Variants in ATG7 observed in about 807,000 individuals in gnomAD.
ATG7 encodes ubiquitin-like modifier-activating enzyme ATG7.
In ATG7, 70 loss-of-function variants were observed where a neutral mutation model predicts 82.4. That is an observed-to-expected ratio of 0.85 (90% CI 0.70 to 1.04). ATG7 has a LOEUF of 1.04. Among genes scored for constraint, ATG7 ranks in the 50% least tolerant of loss-of-function variants. The probability of loss-of-function intolerance (pLI) is 0.00; values close to 1 mark genes in which losing one functional copy is unlikely to be tolerated. For synonymous variants in ATG7, 287 were observed against 313.0 expected, an observed-to-expected ratio of 0.92 and a Z score of 0.88; for missense variants, 792 against 864.3, an observed-to-expected ratio of 0.92 and a Z score of 1.05.
chr3:11,423,484 T>C (rs1286639517), intron 19 of ATG7, among the ~76,000 whole-genome samples: 1 of 152,252 alleles, frequency 6.6e-6, no homozygotes, highest in Non-Finnish European at 1.5e-5. Flanking sequence ...TTTTTTCTTT[T>C]GTAATCACTA....
At chr3:11,565,772 A>G in the ATG7 span, among the ~76,000 whole-genome samples, 1 of 152,110 alleles carries the variant, frequency 6.6e-6, no homozygotes, top group Non-Finnish European at 1.5e-5. The surrounding 1 kb of genome is among the most constrained non-coding windows in gnomAD (Gnocchi z 4.1). Context: ...AGTCAGCACC[A>G]CCTCCATCTG....
intron 19 of ATG7, among the ~76,000 whole-genome samples, chr3:11,418,538 C>T (rs1451454885): frequency 1.3e-5 from 2 of 152,206 alleles, no homozygotes; most frequent in African/African-American, 4.8e-5. Flanking sequence ...ATGGGGGCCT[C>T]CCTATAACTA....
Position 11,410,866 on chromosome 3 carries a change from T to C in ATG7, c.1957-15938T>C, listed in dbSNP as rs563750421. Among the ~76,000 whole-genome samples the C allele has an allele frequency of 3.9e-5, 6 of 152,368 alleles. No individual in the cohort carries two copies. The South Asian group carries it at 1.2e-3, about 32-fold the overall frequency. On this transcript the variant is annotated intron_variant, in intron 19 of 20. Transcript: ENST00000693202. ...AGCTATTGTGAATAATGCTGTTATGTACATGAGTGTACAACTATTTCTTCA... is the reference window on the plus strand; with the variant it reads ...AGCTATTGTGAATAATGCTGTTATGCACATGAGTGTACAACTATTTCTTCA...
At chr3:11,467,214 A>T (rs904735989) in intron 20 of ATG7, among the ~76,000 whole-genome samples, 2 of 152,186 alleles carry the variant, frequency 1.3e-5, no homozygotes, top group African/African-American at 4.8e-5. Context: ...AGCCAAAGAG[A>T]TAGCATGGGG....
chr3:11,528,553 G>C lies in ATG7; in HGVS notation c.2080-26258G>C, dbSNP rs773944231. Among the ~76,000 whole-genome samples, 3 of 152,090 alleles carry C rather than the reference G, an allele frequency of 2.0e-5. No individual in the cohort carries two copies. In the South Asian group the frequency reaches 6.2e-4, roughly 32 times the overall value. ...TATAGAAAGTTAAAATAGTTTGGGCGCAGTGACTCATTCCTGTAATCCCAG... is the reference window on the plus strand; with the variant it reads ...TATAGAAAGTTAAAATAGTTTGGGCCCAGTGACTCATTCCTGTAATCCCAG... On this transcript the variant is annotated intron_variant, in intron 20 of 20. Coordinates refer to ENST00000693202, the MANE Select transcript of ATG7 (RefSeq NM_001349232.2).
chr3:11,484,792 T>C (rs2089437530), intron 20 of ATG7, among the ~76,000 whole-genome samples: 1 of 152,014 alleles, frequency 6.6e-6, no homozygotes, highest in Admixed American at 6.6e-5. Context: ...GAATATGCAG[T>C]GTTTGGTTTT....
At position 11,458,412 on chromosome 3, in the gene ATG7, C is replaced by T. The variant is rs189262067; in HGVS notation, c.2079+31486C>T. On this transcript the variant is annotated intron_variant, in intron 20 of 20. Coordinates refer to ENST00000693202, the MANE Select transcript of ATG7 (RefSeq NM_001349232.2). ...CTGAGTAGCTGGGACTACAGGCGCC[C>T]ACCACCACGCCCGGCTAATTTTTTG... is the stretch of plus-strand genomic sequence containing the variant. 3.3e-3 allele frequency among the ~76,000 whole-genome samples: 506 copies of T among 152,232 alleles called. 5 individuals carry two copies. Among genetic ancestry groups the T allele is most frequent in the Admixed American group, 7.8e-3 (119 of 15,292 alleles).
chr3:11,333,630 A>G (rs769197820), intron 11 of ATG7, among the ~76,000 whole-genome samples: 18 of 150,704 alleles, frequency 1.2e-4, no homozygotes, highest in East Asian at 1.9e-4. Flanking sequence ...AGAGAGATAT[A>G]TGTGTGTGTG....
intron 20 of ATG7, among the ~76,000 whole-genome samples, chr3:11,448,855 G>A (rs1283054974): frequency 6.6e-6 from 1 of 152,148 alleles, no homozygotes; most frequent in Non-Finnish European, 1.5e-5. Flanking sequence ...TTTGTCCACA[G>A]AATCCAAGGC....
At chr3:11,315,259 A>C in intron 8 of ATG7, 85 bp from the exon 9 acceptor site, 21 of 1,217,836 alleles carry the variant, frequency 1.7e-5, no homozygotes, top group South Asian at 3.7e-5. Flanking sequence ...TTCTGGTTTT[A>C]AGGTACCTTT....
At chr3:11,383,145 A>G (rs994085736) in intron 19 of ATG7, among the ~76,000 whole-genome samples, 4 of 152,234 alleles carry the variant, frequency 2.6e-5, no homozygotes, top group African/African-American at 9.6e-5. Context: ...TGTTTATACC[A>G]GTTAATGTTC....
intron 1 of ATG7, among the ~76,000 whole-genome samples, chr3:11,279,792 GA>G (rs1272135412): frequency 6.6e-6 from 1 of 152,132 alleles, no homozygotes; most frequent in Non-Finnish European, 1.5e-5. Flanking sequence ...GTCTAATTTA[GA>G]TATCCCTCCT....
At chr3:11,575,291 T>G in the ATG7 span, among the ~76,000 whole-genome samples, 1 of 152,218 alleles carries the variant, frequency 6.6e-6, no homozygotes, top group Non-Finnish European at 1.5e-5. Flanking sequence ...CTCCTGTCAG[T>G]GTGGACTCTG....
chr3:11,565,164 T>C, the ATG7 span: 65 of 847,660 alleles, frequency 7.7e-5, no homozygotes, highest in Admixed American at 2.7e-3. This position sits in a 1 kb window ranked among gnomAD's most constrained non-coding sequence, Gnocchi z 4.1. Context: ...GAGGAGCCGG[T>C]TGCCAGCCCG....
At chr3:11,506,089 T>C (rs1408840425) in intron 20 of ATG7, among the ~76,000 whole-genome samples, 1 of 152,206 alleles carries the variant, frequency 6.6e-6, no homozygotes, top group African/African-American at 2.4e-5. Flanking sequence ...AGTTTGTGTA[T>C]TTTTTGAGTT....
chr3:11,487,174 C>T (rs2089780072), intron 20 of ATG7, among the ~76,000 whole-genome samples: 1 of 143,196 alleles, frequency 7.0e-6, no homozygotes, highest in Non-Finnish European at 1.5e-5. Context: ...TCAACAGGAT[C>T]CCAAGGCAGA....
chr3:11,427,872 G>A (rs2082513071), intron 20 of ATG7, among the ~76,000 whole-genome samples: 2 of 152,086 alleles, frequency 1.3e-5, no homozygotes, highest in Non-Finnish European at 2.9e-5. Flanking sequence ...TTAGAAAAGG[G>A]AATGCTGTGT....
chr3:11,279,938 G>GT (rs34457373), intron 1 of ATG7, among the ~76,000 whole-genome samples: 3,254 of 143,516 alleles, frequency 0.023, 53 homozygotes, highest in Non-Finnish European at 0.033. Flanking sequence ...GGGGACCATA[G>GT]TTTTTTTTTT....
intron 9 of ATG7, among the ~76,000 whole-genome samples, chr3:11,317,649 G>A (rs1949640534): frequency 7.1e-6 from 1 of 141,218 alleles, no homozygotes; most frequent in African/African-American, 2.7e-5. Flanking sequence ...CTGAAGTACA[G>A]TGGCACGATC....
Sources: gnomAD v4.1 joint callset for allele counts (sites outside exome capture counted in the v4.1 genomes callset) on GRCh38, gnomAD v4.1.1 for gene constraint, Gnocchi (gnomAD v3.1) non-coding constraint, MANE v1.5 for transcripts, NCBI Gene and HGNC (gene_info 2026-07-23, HGNC 2026-07-21) for gene names.